Variants in TTC6 observed in about 807,000 individuals in gnomAD.
The protein encoded by TTC6 is tetratricopeptide repeat domain 6, also known as tetratricopeptide repeat protein 6.
In TTC6, 172 loss-of-function variants were observed where a neutral mutation model predicts 210.4. That is an observed-to-expected ratio of 0.82 (90% CI 0.72 to 0.93). The LOEUF is 0.93. TTC6 is among the 40% of genes least tolerant of loss of function. The pLI, the probability that TTC6 is intolerant of heterozygous loss-of-function variation, is 0.00. For missense variants in TTC6, 2,414 were observed against 2,318.1 expected (o/e 1.04, Z -0.85); for synonymous variants, 804 against 819.6 (o/e 0.98, Z 0.32).
chr14:37,821,594 A>T (rs1002813733), intron 26 of TTC6, among the ~76,000 whole-genome samples: 1 of 152,052 alleles, frequency 6.6e-6, no homozygotes, highest in Non-Finnish European at 1.5e-5. Context: ...CTGTTGCACC[A>T]CATTTGGGAA....
chr14:37,773,260 C>T (rs189709998), intron 14 of TTC6, among the ~76,000 whole-genome samples: 3 of 152,126 alleles, frequency 2.0e-5, no homozygotes, highest in Non-Finnish European at 4.4e-5. Context: ...TGCAGAAGCT[C>T]TTTAGTTTAA....
intron 9 of TTC6, among the ~76,000 whole-genome samples, chr14:37,738,490 T>G (rs1330886674): frequency 3.9e-5 from 6 of 152,062 alleles, no homozygotes; most frequent in Admixed American, 3.9e-4. Flanking sequence ...GCATTCTCTT[T>G]CAATTAAAAT....
Position 37,821,987 on chromosome 14 carries a change from G to A in TTC6, c.4764-1760G>A, listed in dbSNP as rs146627276. Among the ~76,000 whole-genome samples the A allele has an allele frequency of 2.9e-3, 446 of 151,822 alleles. 1 individual carries two copies. The highest frequency in any genetic ancestry group is 5.1e-3 in the Non-Finnish European group (350 of 67,964). On this transcript the variant is annotated intron_variant, in intron 26 of 30. Transcript: ENST00000553443. Reference sequence around the variant, plus strand: ...GTAGAGACGGGGTGTCACCATGTTGGCCAGGCTGGTCTGGAACTCCTGACC... The same window carrying A: ...GTAGAGACGGGGTGTCACCATGTTGACCAGGCTGGTCTGGAACTCCTGACC...
At chr14:37,820,633 T>C (rs897701041) in intron 26 of TTC6, among the ~76,000 whole-genome samples, 1 of 152,164 alleles carries the variant, frequency 6.6e-6, no homozygotes, top group Non-Finnish European at 1.5e-5. Flanking sequence ...GGCATTTCAA[T>C]GAATTTGGTG....
intron 1 of TTC6, among the ~76,000 whole-genome samples, chr14:37,650,860 C>A (rs2095709964): frequency 6.6e-6 from 1 of 152,192 alleles, no homozygotes; most frequent in African/African-American, 2.4e-5. Context: ...TACCTTTGGG[C>A]AATTTGGTTA....
At chr14:37,606,776 C>T in intron 2 of TTC6, 34 bp downstream of exon 2, 3 of 985,258 alleles carry the variant, frequency 3.0e-6, no homozygotes, top group Non-Finnish European at 2.4e-6. Context: ...AGTTCATCCT[C>T]ATCCTGTAAG....
At chr14:37,640,289 A>T (rs1240918372) in intron 1 of TTC6, among the ~76,000 whole-genome samples, 1 of 151,996 alleles carries the variant, frequency 6.6e-6, no homozygotes, top group East Asian at 1.9e-4. Context: ...CTTAATTTAG[A>T]CTCTAAAGGA....
chr14:37,779,616 A>G (rs1479646645), intron 14 of TTC6, among the ~76,000 whole-genome samples: 1 of 152,082 alleles, frequency 6.6e-6, no homozygotes, highest in Non-Finnish European at 1.5e-5. Flanking sequence ...TTGTTCTTTG[A>G]AAGTTTGGAA....
chr14:37,622,833 A>G, exon 1 of TTC6: 1 of 1,534,038 alleles, frequency 6.5e-7, no homozygotes, highest in Non-Finnish European at 8.7e-7. Flanking sequence ...CTGGCCGCCC[A>G]GCGACGCGCG....
At chr14:37,741,821 G>A (rs1432834359) in intron 10 of TTC6, among the ~76,000 whole-genome samples, 1 of 152,074 alleles carries the variant, frequency 6.6e-6, no homozygotes, top group Non-Finnish European at 1.5e-5. Context: ...TATCCCCTTA[G>A]CCCTGTTGCT....
At chr14:37,806,085 C>A (rs1028816898) in intron 21 of TTC6, among the ~76,000 whole-genome samples, 14 of 152,236 alleles carry the variant, frequency 9.2e-5, no homozygotes, top group Admixed American at 7.8e-4. Context: ...GCAATGAAAT[C>A]TGAAGAATAA....
intron 29 of TTC6, among the ~76,000 whole-genome samples, chr14:37,830,131 T>G (rs969938176): frequency 6.6e-6 from 1 of 152,026 alleles, no homozygotes; most frequent in Non-Finnish European, 1.5e-5. Flanking sequence ...ACAGCATGGC[T>G]CCTTGACTCA....
At chr14:37,827,289 A>T (rs553377650) in exon 29 of TTC6, 1 of 1,613,362 alleles carries the variant, frequency 6.2e-7, no homozygotes, top group Admixed American at 1.7e-5. Context: ...CCAAGATGCA[A>T]TTACTCTAAA....
At chr14:37,685,173 C>G (rs1453060283) in intron 3 of TTC6, among the ~76,000 whole-genome samples, 4 of 152,038 alleles carry the variant, frequency 2.6e-5, no homozygotes, top group Non-Finnish European at 5.9e-5. Flanking sequence ...CAGTGAAAGT[C>G]TATAAAAATA....
Position 37,696,793 on chromosome 14 carries a change from G to GAA in TTC6, c.1336_1337dup (p.Ser448LeufsTer66), listed in dbSNP as rs527274408. On this transcript the variant is annotated frameshift_variant, in exon 4 of 31. Transcript: ENST00000553443. LOFTEE classifies it high-confidence loss of function. ...CGGAAACGTAAATCACTGAGACCAA[G>GAA]AAAGTCTTCAAAACCTCTTTGTGAT... The GAA allele has an allele frequency of 2.7e-4, 388 of 1,436,614 alleles. 4 individuals are homozygous for GAA. The African/African-American group carries it at 4.7e-3, about 17-fold the overall frequency. The allele number at this position is 1,436,614 out of a possible 1,614,324, so 89.0% of individuals were successfully genotyped here.
chr14:37,795,932 T>C (rs1042935491), intron 18 of TTC6, among the ~76,000 whole-genome samples: 4 of 152,180 alleles, frequency 2.6e-5, no homozygotes, highest in Admixed American at 2.6e-4. Flanking sequence ...GATAAGGGCT[T>C]GCTTTGTCCT....
At position 37,606,635 on chromosome 14, in the gene TTC6, A is replaced by G. The variant is rs2095625693; in HGVS notation, c.-234-28A>G. ...TCATTTTCTCTTGTTAGTTCCCTTT[A>G]ATCCCACCTTCAAATTTTTTTCCCT... On this transcript the variant is annotated intron_variant, in intron 1 of 2. Coordinates refer to the TTC6 transcript ENST00000556845. The G allele has an allele frequency of 5.6e-6, 4 of 708,268 alleles. No homozygotes were observed. In the South Asian group the frequency reaches 2.5e-4, roughly 45 times the overall value. The allele number at this position is 708,268 out of a possible 1,614,324, so 43.9% of individuals were successfully genotyped here. A position where few individuals can be genotyped will look rare whatever the true frequency, so the allele number is the denominator to read the frequency against.
intron 1 of TTC6, among the ~76,000 whole-genome samples, chr14:37,632,725 C>T (rs182367977): frequency 6.6e-6 from 1 of 152,324 alleles, no homozygotes; most frequent in East Asian, 1.9e-4. Flanking sequence ...CCCAGCCGCC[C>T]CTTCCACCAG....
exon 22 of TTC6, chr14:37,806,444 A>G (rs1296029684): frequency 6.5e-7 from 1 of 1,535,708 alleles, no homozygotes; most frequent in South Asian, 1.2e-5. Flanking sequence ...GTAAAGTGAA[A>G]CTCCACAAGG....
Sources: allele counts gnomAD v4.1 joint callset (sites outside exome capture counted in the v4.1 genomes callset), GRCh38; gene constraint gnomAD v4.1.1; transcripts MANE v1.5; gene names NCBI Gene and HGNC (gene_info 2026-07-23, HGNC 2026-07-21).